ABCG8: variants seen among roughly 807,000 people sequenced by gnomAD.
ABCG8 encodes the protein ATP-binding cassette sub-family G member 8.
Under a neutral mutation model 71.3 loss-of-function variants are expected in ABCG8, and 81 were observed. The observed-to-expected ratio is 1.14, with a 90% CI of 0.95 to 1.37. The LOEUF (loss-of-function observed/expected upper bound fraction) is 1.37. ABCG8 is among the 40% of genes most tolerant of loss of function. The pLI is 0.00. For synonymous variants in ABCG8, 451 were observed against 354.7 expected, an observed-to-expected ratio of 1.27 and a Z score of -3.05; for missense variants, 1,119 against 866.2, an observed-to-expected ratio of 1.29 and a Z score of -3.66.
chr2:43,868,207 A>C (rs984250150), intron 6 of ABCG8, among the ~76,000 whole-genome samples: 2 of 152,076 alleles, frequency 1.3e-5, no homozygotes, highest in Admixed American at 6.5e-5. Context: ...ATCTCAATAG[A>C]ATTCTCACCC....
intron 6 of ABCG8, among the ~76,000 whole-genome samples, chr2:43,857,748 A>T (rs1572842866): frequency 6.6e-6 from 1 of 151,454 alleles, no homozygotes; most frequent in East Asian, 1.9e-4. Flanking sequence ...AATTCTCAAC[A>T]TCTGAGGATA....
intron 3 of ABCG8, 74 bp from the exon 4 acceptor site, chr2:43,851,510 T>C (rs1668913290): frequency 6.6e-7 from 1 of 1,523,126 alleles, no homozygotes; most frequent in Non-Finnish European, 9.1e-7. Context: ...CTGGAGAGTG[T>C]ATGGGGAGCA....
chr2:43,878,137 G>A lies in ABCG8; in HGVS notation c.*224G>A, dbSNP rs1471246248. ...TCACTGGCAGGAGACTGCGATGACT[G>A]GGAGAAAACCTGCACTCGGTGGCAC... On this transcript the variant is annotated 3_prime_UTR_variant, in exon 13 of 13. Coordinates refer to ENST00000272286, the MANE Select transcript of ABCG8 (RefSeq NM_022437.3). 1 of 641,828 alleles carries A rather than the reference G, an allele frequency of 1.6e-6. No homozygotes were observed. The allele number at this position is 641,828 out of a possible 1,614,324, so 39.8% of individuals were successfully genotyped here. A position where few individuals can be genotyped will look rare whatever the true frequency, so the allele number is the denominator to read the frequency against.
Position 43,839,016 on chromosome 2 carries a change from A to G in ABCG8, c.-38A>G. The G allele has an allele frequency of 6.5e-7, 1 of 1,547,064 alleles. No homozygotes were observed. Among genetic ancestry groups the G allele is most frequent in the Non-Finnish European group, 8.7e-7 (1 of 1,143,810 alleles). ...CCCTGGCAGGCAGCAGCTGGGTCTA[A>G]GAGAGCTGCAGCCCAGGGTCACAGA... On this transcript the variant is annotated 5_prime_UTR_variant, in exon 1 of 13. Coordinates refer to ENST00000272286, the MANE Select transcript of ABCG8 (RefSeq NM_022437.3).
chr2:43,857,041 C>T (rs60782591), intron 6 of ABCG8, among the ~76,000 whole-genome samples: 1 of 151,712 alleles, frequency 6.6e-6, no homozygotes, highest in East Asian at 1.9e-4. Context: ...CTGGATATAA[C>T]TCTCACTAAC....
chr2:43,877,743 C>T (rs1226019365), intron 12 of ABCG8, 33 bp from the exon 13 acceptor site: 2 of 1,614,150 alleles, frequency 1.2e-6, no homozygotes, highest in Admixed American at 1.7e-5. Context: ...TTTCCATCCT[C>T]CTCATGAGCC....
At chr2:43,850,734 G>A (rs539829387) in intron 3 of ABCG8, among the ~76,000 whole-genome samples, 5 of 152,232 alleles carry the variant, frequency 3.3e-5, no homozygotes, top group Admixed American at 1.3e-4. Context: ...CCAACATGGC[G>A]AAACCCTGTC....
chr2:43,879,752 A>G lies in ABCG8; in HGVS notation c.*1839A>G, dbSNP rs1338773993. Reference sequence around the variant, plus strand: ...TTGTGACCTTGATACTTGAGTTTGAAGGCTGTCTCTCAATTTGTGTTCTGC... The same window carrying G: ...TTGTGACCTTGATACTTGAGTTTGAGGGCTGTCTCTCAATTTGTGTTCTGC... On this transcript the variant is annotated 3_prime_UTR_variant, in exon 13 of 13. Coordinates refer to ENST00000272286, the MANE Select transcript of ABCG8 (RefSeq NM_022437.3). 6.6e-6 allele frequency: 1 copy of G among 152,144 alleles called. No homozygotes were observed. Among genetic ancestry groups the G allele is most frequent in the Non-Finnish European group, 1.5e-5 (1 of 68,028 alleles). 9.4% of individuals were successfully genotyped at this position (152,144 alleles called of 1,614,324 possible).
intron 6 of ABCG8, among the ~76,000 whole-genome samples, chr2:43,861,651 TTCTGGATAGAACTATCACCC>T (rs1389057120): frequency 1.3e-5 from 2 of 148,390 alleles, no homozygotes; most frequent in Non-Finnish European, 3.0e-5. Flanking sequence ...CTCACTATCT[TTCTGGATAGAACTATCACCC>T]TCTGGATAGA....
intron 6 of ABCG8, 142 bp downstream of exon 6, chr2:43,853,010 T>G: frequency 9.2e-7 from 1 of 1,083,646 alleles, no homozygotes; most frequent in Non-Finnish European, 1.3e-6. Context: ...GGGAAGAACA[T>G]GGGGTGGTTT....
chr2:43,852,709 C>T lies in ABCG8; in HGVS notation c.805C>T (p.Leu269Phe). 1 of 1,614,184 alleles carries T rather than the reference C, an allele frequency of 6.2e-7. No homozygotes were observed. Among genetic ancestry groups the T allele is most frequent in the Non-Finnish European group, 8.5e-7 (1 of 1,180,030 alleles). Reference protein sequence around the residue: ...AKGNRLVLISLHQPRSDIFRL... With the variant: ...AKGNRLVLISFHQPRSDIFRL... ...AGGCAACCGGCTGGTGCTCATCTCC[C>T]TCCACCAGCCTCGCTCTGACATCTT... Residue 269 changes from leucine to phenylalanine, a missense_variant, in exon 6 of 13, where the codon CTC becomes TTC. Physicochemically the swap from Leu to Phe is conservative, Grantham distance 22. Transcript: ENST00000272286.
intron 1 of ABCG8, among the ~76,000 whole-genome samples, chr2:43,839,815 G>A (rs1668509272): frequency 1.3e-5 from 2 of 152,132 alleles, no homozygotes; most frequent in Admixed American, 1.3e-4. Context: ...GTGGCTGTCA[G>A]GTTGGTCTCA....
At chr2:43,852,512 G>A in intron 5 of ABCG8, 26 bp downstream of exon 5, 2 of 1,613,524 alleles carry the variant, frequency 1.2e-6, no homozygotes, top group Non-Finnish European at 1.7e-6. Flanking sequence ...GCAGATGGGG[G>A]CAGAGGGACC....
chr2:43,842,075 C>T (rs966774537), intron 1 of ABCG8, among the ~76,000 whole-genome samples: 192 of 152,060 alleles, frequency 1.3e-3, no homozygotes, highest in Middle Eastern at 0.01. Context: ...GGCACGATCT[C>T]GGCTCCCTGC....
At chr2:43,866,051 A>G (rs1669522816) in intron 6 of ABCG8, among the ~76,000 whole-genome samples, 1 of 152,110 alleles carries the variant, frequency 6.6e-6, no homozygotes, top group Non-Finnish European at 1.5e-5. Context: ...CATATCTACA[A>G]CTATCTGATC....
Position 43,858,912 on chromosome 2 carries a change from C to A in ABCG8, c.964+6044C>A, listed in dbSNP as rs543763398. Among the ~76,000 whole-genome samples, 4 of 151,650 alleles carry A rather than the reference C, an allele frequency of 2.6e-5. No homozygotes were observed. The South Asian group carries it at 8.3e-4, about 31-fold the overall frequency. On this transcript the variant is annotated intron_variant, in intron 6 of 12. Transcript: ENST00000272286. ...TCTCACTATCTGGATAGAATTCTCA[C>A]CCTCTGGATACAACTCTCACTGTCT...
chr2:43,872,117 A>T lies in ABCG8; in HGVS notation c.1106A>T (p.Asp369Val), dbSNP rs148185316. The change falls in exon 7 of 13, where the codon GAC (aspartate) becomes GTC (valine). Residue 369 changes from aspartate (D) to valine (V), a missense_variant. Asp to Val is a radical substitution (Grantham distance 152, BLOSUM62 -3). Coordinates refer to ENST00000272286, the MANE Select transcript of ABCG8 (RefSeq NM_022437.3). ...FLWKAETKDL[D>V]EDTCVESSVT... ...TGGAAAGCAGAGACGAAGGATCTTGACGAGGACACCTGTGTGGAAAGGTAA... is the reference window on the plus strand; with the variant it reads ...TGGAAAGCAGAGACGAAGGATCTTGTCGAGGACACCTGTGTGGAAAGGTAA... 5.0e-5 allele frequency: 80 copies of T among 1,614,098 alleles called. 1 individual carries two copies. In the Middle Eastern group the frequency reaches 3.0e-3, roughly 60 times the overall value.
chr2:43,846,350 C>G, intron 3 of ABCG8, 39 bp downstream of exon 3: 1 of 1,613,726 alleles, frequency 6.2e-7, no homozygotes, highest in Non-Finnish European at 8.5e-7. Context: ...GGTTTCTCTC[C>G]TGGGATACAG....
At chr2:43,865,596 C>A (rs1392599123) in intron 6 of ABCG8, among the ~76,000 whole-genome samples, 2 of 137,804 alleles carry the variant, frequency 1.5e-5, no homozygotes, top group East Asian at 4.0e-4. Context: ...GAATTCTCAC[C>A]CTCTAGATAG....
Sources: allele counts gnomAD v4.1 joint callset (sites outside exome capture counted in the v4.1 genomes callset), GRCh38; gene constraint gnomAD v4.1.1; transcripts MANE v1.5; gene names NCBI Gene and HGNC (gene_info 2026-07-23, HGNC 2026-07-21).